Variants in TDRD9 observed in about 807,000 individuals in gnomAD.
The protein encoded by TDRD9 is tudor domain containing 9, also known as ATP-dependent RNA helicase TDRD9.
TDRD9 carries 124 observed loss-of-function variants against 172.6 expected under a neutral mutation model. The ratio of observed to expected loss-of-function variants is 0.72; its 90% CI spans 0.62 to 0.83. TDRD9 has a LOEUF of 0.83. TDRD9 is among the 40% of genes least tolerant of loss of function. The pLI, the probability that TDRD9 is intolerant of heterozygous loss-of-function variation, is 0.00. For missense variants in TDRD9, 1,479 were observed against 1,714.1 expected, an observed-to-expected ratio of 0.86 and a Z score of 2.42; for synonymous variants, 619 against 617.1, an observed-to-expected ratio of 1.00 and a Z score of -0.05.
intron 7 of TDRD9, among the ~76,000 whole-genome samples, chr14:103,982,247 C>T (rs148732938): frequency 1.1e-4 from 16 of 152,278 alleles, no homozygotes; most frequent in African/African-American, 1.9e-4. Flanking sequence ...TTCACCTTTG[C>T]GAACACCCAC....
At position 104,034,005 on chromosome 14, in the gene TDRD9, T is replaced by C; in HGVS notation, c.3555T>C (p.Ser1185=). The C allele has an allele frequency of 6.4e-7, 1 of 1,551,806 alleles. No individual in the cohort carries two copies. The highest frequency in any genetic ancestry group is 8.7e-7 in the Non-Finnish European group (1 of 1,146,840). Residue 1185 remains serine, a synonymous_variant, in exon 31 of 36, where the codon AGT becomes AGC. Transcript: ENST00000409874. ...AGAGCATCAACTCTGTCATTATCAGTGACGCCCCTGAAGACCTTCACCAGA... is the reference window on the plus strand; with the variant it reads ...AGAGCATCAACTCTGTCATTATCAGCGACGCCCCTGAAGACCTTCACCAGA... ...EKESINSVII[S]DAPEDLHQRM...
rs74614463 is a variant in TDRD9, at chr14:103,976,221, G to A, written c.1011+668G>A. On this transcript the variant is annotated intron_variant, in intron 7 of 35. Transcript: ENST00000409874. Reference sequence around the variant, plus strand: ...GATTTTATTCTTTTTTCATGGCTGAGTAGTATTTAATTGTGTGTATATACT... The same window carrying A: ...GATTTTATTCTTTTTTCATGGCTGAATAGTATTTAATTGTGTGTATATACT... Among the ~76,000 whole-genome samples, 78 of 151,862 alleles carry A rather than the reference G, an allele frequency of 5.1e-4. 1 individual carries two copies. In the East Asian group the frequency reaches 0.015, roughly 29 times the overall value.
chr14:104,008,492 G>A, intron 20 of TDRD9, 26 bp downstream of exon 20: 1 of 1,420,282 alleles, frequency 7.0e-7, no homozygotes, highest in Non-Finnish European at 9.9e-7. Context: ...TGACCAAATG[G>A]ATGCAAATAA....
At chr14:104,018,281 C>A (rs2034853722) in intron 23 of TDRD9, 89 bp downstream of exon 23, 1 of 839,442 alleles carries the variant, frequency 1.2e-6, no homozygotes, top group Non-Finnish European at 1.9e-6. Context: ...ACGGAGTGCC[C>A]ATGGAAATGG....
At chr14:104,005,170 C>G in intron 14 of TDRD9, 104 bp from the exon 15 acceptor site, 1 of 1,168,266 alleles carries the variant, frequency 8.6e-7, no homozygotes, top group East Asian at 2.5e-5. Flanking sequence ...TTCTTCTCTC[C>G]TCTCCTTCTC....
intron 7 of TDRD9, among the ~76,000 whole-genome samples, chr14:103,977,525 T>TAAAAAG (rs1333737292): frequency 7.8e-6 from 1 of 127,926 alleles, no homozygotes; most frequent in African/African-American, 3.0e-5. Context: ...AAAAAAAAAT[T>TAAAAAG]GGATTGTTTT....
intron 1 of TDRD9, among the ~76,000 whole-genome samples, chr14:103,951,102 TATTCCCAA>T (rs1322626272): frequency 6.6e-6 from 1 of 152,240 alleles, no homozygotes; most frequent in East Asian, 1.9e-4. Context: ...CGCAATGCTT[TATTCCCAA>T]ATAAAGATCT....
intron 1 of TDRD9, chr14:103,941,622 A>G (rs561981786): frequency 8.5e-6 from 13 of 1,535,164 alleles, no homozygotes; most frequent in East Asian, 7.3e-5. Context: ...CTTTGTCACT[A>G]TGTCTGAGCC....
Position 103,982,206 on chromosome 14 carries a change from C to G in TDRD9, c.1012-4011C>G, listed in dbSNP as rs544149391. 8.5e-5 allele frequency among the ~76,000 whole-genome samples: 13 copies of G among 152,330 alleles called. No individual in the cohort carries two copies. The South Asian group carries it at 2.7e-3, about 32-fold the overall frequency. ...GTGTCTCCTTCTCTGCTGTCATTTT[C>G]TTGTCCACACTGAAACATAACTGAA... On this transcript the variant is annotated intron_variant, in intron 7 of 35. Coordinates refer to ENST00000409874, the MANE Select transcript of TDRD9 (RefSeq NM_153046.3).
chr14:103,999,163 T>G (rs2034168045), intron 13 of TDRD9, among the ~76,000 whole-genome samples: 1 of 152,176 alleles, frequency 6.6e-6, no homozygotes, highest in South Asian at 2.1e-4. Context: ...TGGAACGAGT[T>G]TTAAGTTTTT....
At chr14:103,942,828 T>C (rs2152120625) in intron 1 of TDRD9, among the ~76,000 whole-genome samples, 1 of 152,378 alleles carries the variant, frequency 6.6e-6, no homozygotes, top group Middle Eastern at 3.4e-3. Context: ...TGTATTCATT[T>C]TGGTTTTTTC....
At chr14:104,006,308 C>A in intron 15 of TDRD9, 81 bp from the exon 16 acceptor site, 1 of 1,154,190 alleles carries the variant, frequency 8.7e-7, no homozygotes, top group South Asian at 1.6e-5. Flanking sequence ...TCTTTGTTTC[C>A]TGTTTTGGAC....
intron 32 of TDRD9, among the ~76,000 whole-genome samples, chr14:104,037,933 G>C (rs1032868354): frequency 6.6e-6 from 1 of 152,210 alleles, no homozygotes; most frequent in Non-Finnish European, 1.5e-5. Flanking sequence ...CATCATCATT[G>C]TGTACCTTGT....
chr14:103,956,292 G>A (rs543940550), intron 2 of TDRD9, among the ~76,000 whole-genome samples: 52 of 151,116 alleles, frequency 3.4e-4, no homozygotes, highest in Admixed American at 9.2e-4. Flanking sequence ...ACAAAAATTA[G>A]CTGGGTGTGG....
chr14:103,967,181 G>A (rs983859589), intron 5 of TDRD9, among the ~76,000 whole-genome samples: 1 of 151,814 alleles, frequency 6.6e-6, no homozygotes, highest in African/African-American at 2.4e-5. Context: ...GAGAGGTTGT[G>A]AGACAAGGGT....
chr14:103,954,368 C>T lies in TDRD9; in HGVS notation c.216-1296C>T, dbSNP rs541158191. Among the ~76,000 whole-genome samples the T allele has an allele frequency of 1.2e-4, 19 of 152,310 alleles. No homozygotes were observed. The South Asian group carries it at 2.9e-3, about 23-fold the overall frequency. On this transcript the variant is annotated intron_variant, in intron 1 of 35. Coordinates refer to ENST00000409874, the MANE Select transcript of TDRD9 (RefSeq NM_153046.3). ...GTCCACATCTCTAATCAGCATCTTA[C>T]GTATCTATTATGTCTCCTTCACAAG... is the stretch of plus-strand genomic sequence containing the variant.
chr14:103,957,579 CAG>C (rs1443431029), intron 2 of TDRD9, among the ~76,000 whole-genome samples: 5 of 152,200 alleles, frequency 3.3e-5, no homozygotes, highest in African/African-American at 1.2e-4. Flanking sequence ...TGCCAGTGAA[CAG>C]AGGATTGGTG....
intron 1 of TDRD9, among the ~76,000 whole-genome samples, chr14:103,929,498 A>G (rs2030222397): frequency 6.6e-6 from 1 of 152,008 alleles, no homozygotes. Context: ...CACCTACTGA[A>G]GGAGAGCTTG....
chr14:103,952,208 A>G lies in TDRD9; in HGVS notation c.216-3456A>G, dbSNP rs1566734695. On this transcript the variant is annotated intron_variant, in intron 1 of 35. Transcript: ENST00000409874. ...TGTGTGTGTATATATATATATATAT[A>G]TATATATATATATTTTTTTTTTTTT... Among the ~76,000 whole-genome samples the G allele has an allele frequency of 2.8e-4, 21 of 75,084 alleles. 1 individual carries two copies. The highest frequency in any genetic ancestry group is 4.8e-4 in the South Asian group (1 of 2,092). The allele number at this position is 75,084 out of a possible 152,430, so 49.3% of individuals were successfully genotyped here. A position where few individuals can be genotyped will look rare whatever the true frequency, so the allele number is the denominator to read the frequency against.
Sources: gnomAD v4.1 joint callset for allele counts (sites outside exome capture counted in the v4.1 genomes callset) on GRCh38, gnomAD v4.1.1 for gene constraint, MANE v1.5 for transcripts, NCBI Gene and HGNC (gene_info 2026-07-23, HGNC 2026-07-21) for gene names.